Variants in GPR84 observed in about 807,000 individuals in gnomAD.
The protein encoded by GPR84 is G-protein coupled receptor 84.
A neutral mutation model predicts 14.9 loss-of-function variants in GPR84; 8 were observed. That is an observed-to-expected ratio of 0.54 (90% CI 0.31 to 0.97). The LOEUF (loss-of-function observed/expected upper bound fraction) is 0.97, where lower values mean the gene tolerates loss of function less well. GPR84 is among the 50% of genes least tolerant of loss of function. The probability of loss-of-function intolerance (pLI) is 0.04; values close to 1 mark genes in which losing one functional copy is unlikely to be tolerated. For missense variants in GPR84, 424 were observed against 498.7 expected (o/e 0.85, Z 1.43); for synonymous variants, 164 against 198.1 (o/e 0.83, Z 1.45).
chr12:54,362,838 GA>G lies in GPR84; in HGVS notation c.1013del (p.Leu338ProfsTer36), dbSNP rs758482145. 4.7e-5 allele frequency: 76 copies of G among 1,614,224 alleles called. No individual in the cohort carries two copies. In the South Asian group the frequency reaches 7.6e-4, roughly 16 times the overall value. On this transcript the variant is annotated frameshift_variant, in exon 2 of 2. Transcript: ENST00000267015. LOFTEE classifies it high-confidence loss of function. The surrounding 1 kb of genome is among the most constrained non-coding windows in gnomAD (Gnocchi z 4.0). ...CCTGGACTCTGGCATCCAGAATGTT[GA>G]GCAGCAAGAAGGGGATGTAGCTCAG... is the stretch of plus-strand genomic sequence containing the variant. ...FALSYIPFLL[L>X]NILDARVQAP... is the part of the protein sequence containing the mutation.
chr12:54,355,550 G>C, the GPR84 span, among the ~76,000 whole-genome samples: 8 of 152,172 alleles, frequency 5.3e-5, no homozygotes, highest in Non-Finnish European at 8.8e-5. Context: ...TTGGAATGCA[G>C]GCCTGCTGGA....
chr12:54,361,915 T>C (rs1201177878), downstream of GPR84, among the ~76,000 whole-genome samples: 1 of 152,222 alleles, frequency 6.6e-6, no homozygotes, highest in African/African-American at 2.4e-5. The surrounding 1 kb of genome is among the most constrained non-coding windows in gnomAD (Gnocchi z 4.3). Flanking sequence ...AGCTGGAACC[T>C]TTTTCTGCCT....
At chr12:54,354,521 C>T in the GPR84 span, among the ~76,000 whole-genome samples, 1 of 152,032 alleles carries the variant, frequency 6.6e-6, no homozygotes, top group South Asian at 2.1e-4. Context: ...CAACCTCCGC[C>T]TCCCGGGTTC....
At chr12:54,357,375 C>T in the GPR84 span, among the ~76,000 whole-genome samples, 1 of 152,156 alleles carries the variant, frequency 6.6e-6, no homozygotes, top group Non-Finnish European at 1.5e-5. Flanking sequence ...CCTTAGGTCT[C>T]CCTTATATTA....
the GPR84 span, among the ~76,000 whole-genome samples, chr12:54,353,401 A>C: frequency 6.6e-6 from 1 of 151,070 alleles, no homozygotes; most frequent in African/African-American, 2.4e-5. Flanking sequence ...ACAGTGCCAG[A>C]CACCTGCCTG....
At chr12:54,358,931 C>T (rs1954237852), downstream of GPR84, among the ~76,000 whole-genome samples, 1 of 152,178 alleles carries the variant, frequency 6.6e-6, no homozygotes, top group Admixed American at 6.5e-5. Context: ...CCCCCATCCA[C>T]ACCCCTCAAA....
chr12:54,354,116 CTTTTT>C, the GPR84 span, among the ~76,000 whole-genome samples: 19 of 141,482 alleles, frequency 1.3e-4, no homozygotes, highest in South Asian at 4.5e-4. Flanking sequence ...TTTCTCTTTT[CTTTTT>C]TTTTTTTTTT....
the GPR84 span, among the ~76,000 whole-genome samples, chr12:54,355,501 A>G: frequency 0.16 from 24,220 of 151,922 alleles, 2,196 homozygotes; most frequent in East Asian, 0.26. Flanking sequence ...GGACCATTCC[A>G]AAGGTATTTC....
chr12:54,363,839 A>G lies in GPR84; in HGVS notation c.13T>C (p.Ser5Pro). The change falls in exon 2 of 2, where the codon TCT (serine) becomes CCT (proline). Residue 5 changes from serine (S) to proline (P), a missense_variant. Coordinates refer to ENST00000267015, the MANE Select transcript of GPR84 (RefSeq NM_020370.3). MWNS[S>P]DANFSCYHES... ...TGGTAGCAGGAGAAGTTGGCGTCAG[A>G]GCTGTTCCACATGATAGAGGCTAAA... 1 of 1,593,640 alleles carries G rather than the reference A, an allele frequency of 6.3e-7. No individual in the cohort carries two copies. Among genetic ancestry groups the G allele is most frequent in the Non-Finnish European group, 8.6e-7 (1 of 1,168,674 alleles).
chr12:54,363,005 C>T lies in GPR84; in HGVS notation c.847G>A (p.Ala283Thr), dbSNP rs763656756. Reference sequence around the variant, plus strand: ...GGGCTTTTCTCTGCCATCTGCTTAGCTCTCTTGCTGTTGATCTGGTCTCCC... The same window carrying T: ...GGGCTTTTCTCTGCCATCTGCTTAGTTCTCTTGCTGTTGATCTGGTCTCCC... ...EVGDQINSKR[A>T]KQMAEKSPPE... Residue 283 changes from alanine (A) to threonine (T), a missense_variant, in exon 2 of 2, where the codon GCT (alanine) becomes ACT (threonine). Physicochemically the swap from Ala to Thr is moderately conservative, Grantham distance 58. Coordinates refer to ENST00000267015, the MANE Select transcript of GPR84 (RefSeq NM_020370.3). 1 of 1,614,180 alleles carries T rather than the reference C, an allele frequency of 6.2e-7. No individual in the cohort carries two copies. Among genetic ancestry groups the T allele is most frequent in the Non-Finnish European group, 8.5e-7 (1 of 1,180,022 alleles).
the GPR84 span, chr12:54,351,797 C>T: frequency 1.3e-5 from 2 of 152,190 alleles, no homozygotes; most frequent in Non-Finnish European, 2.9e-5. Flanking sequence ...AGGAGAAAAC[C>T]ACCTTCATAA....
chr12:54,359,960 A>G (rs908047476), downstream of GPR84, among the ~76,000 whole-genome samples: 1 of 151,386 alleles, frequency 6.6e-6, no homozygotes, highest in Non-Finnish European at 1.5e-5. Context: ...GCGACTGATA[A>G]TTGGGAAGTC....
chr12:54,362,885 C>G lies in GPR84; in HGVS notation c.967G>C (p.Ala323Pro). 6.2e-7 allele frequency: 1 copy of G among 1,614,210 alleles called. No homozygotes were observed. Among genetic ancestry groups the G allele is most frequent in the Non-Finnish European group, 8.5e-7 (1 of 1,180,026 alleles). The change falls in exon 2 of 2, where the codon GCT (alanine) becomes CCT (proline). Residue 323 changes from alanine to proline, a missense_variant. Transcript: ENST00000267015. The surrounding 1 kb of genome is among the most constrained non-coding windows in gnomAD (Gnocchi z 4.0). The part of the protein sequence containing the change: ...EFGKVTRMCF[A>P]VFLCFALSYI... ...CTCAGGGCAAAGCAGAGGAACACAGCAAAACACATTCGAGTCACCTTCCCA... is the reference window on the plus strand; with the variant it reads ...CTCAGGGCAAAGCAGAGGAACACAGGAAAACACATTCGAGTCACCTTCCCA...
At position 54,363,570 on chromosome 12, in the gene GPR84, C is replaced by G. The variant is rs147971614; in HGVS notation, c.282G>C (p.Arg94Ser). ...LHWRTGATFC[R>S]VFGLLLFASN... is the part of the protein sequence containing the mutation. ...AGGCAAAAAGGAGGAGCCCAAATAC[C>G]CTGCAGAAGGTGGCACCGGTGCGCC... is the stretch of plus-strand genomic sequence containing the variant. Residue 94 changes from arginine to serine, a missense_variant, in exon 2 of 2, where the codon AGG becomes AGC. Transcript: ENST00000267015. The G allele has an allele frequency of 3.5e-4, 571 of 1,613,928 alleles. 1 individual carries two copies. Among genetic ancestry groups the G allele is most frequent in the Non-Finnish European group, 4.5e-4 (536 of 1,180,010 alleles).
chr12:54,358,583 C>T (rs1954233525), downstream of GPR84, among the ~76,000 whole-genome samples: 1 of 151,946 alleles, frequency 6.6e-6, no homozygotes, highest in Admixed American at 6.6e-5. Context: ...AATGCTTTTC[C>T]TTTTCAGAGC....
At position 54,362,702 on chromosome 12, in the gene GPR84, T is replaced by C. The variant is rs747764320; in HGVS notation, c.1150A>G (p.Ile384Val). The C allele has an allele frequency of 2.5e-6, 4 of 1,612,184 alleles. No homozygotes were observed. The highest frequency in any genetic ancestry group is 3.4e-6 in the Non-Finnish European group (4 of 1,178,598). ...NRQFRQAYGSILKRGPRSFHR... is the reference protein window; with the variant it reads ...NRQFRQAYGSVLKRGPRSFHR... ...AAACTCCGGGGCCCTCTTTTTAAAATGGAGCCATATGCTTGGCGGAATTGG... is the reference window on the plus strand; with the variant it reads ...AAACTCCGGGGCCCTCTTTTTAAAACGGAGCCATATGCTTGGCGGAATTGG... The change falls in exon 2 of 2, where the codon ATT becomes GTT. Residue 384 changes from isoleucine to valine, a missense_variant. Coordinates refer to ENST00000267015, the MANE Select transcript of GPR84 (RefSeq NM_020370.3). The surrounding 1 kb of genome is among the most constrained non-coding windows in gnomAD (Gnocchi z 4.0).
Position 54,363,820 on chromosome 12 carries a change from CAGG to C in GPR84, c.29_31del (p.Ser10del), listed in dbSNP as rs1410126096. On this transcript the variant is annotated inframe_deletion, in exon 2 of 2. Transcript: ENST00000267015. ...ATAGCCCAGCACAGACTCATGGTAG[CAGG>C]AGAAGTTGGCGTCAGAGCTGTTCCA... The C allele has an allele frequency of 1.9e-6, 3 of 1,603,304 alleles. No individual in the cohort carries two copies. The highest frequency in any genetic ancestry group is 1.1e-5 in the South Asian group (1 of 90,230).
rs1463845899 is a variant in GPR84, at chr12:54,363,371, G to A, written c.481C>T (p.Leu161=). ...CTGCAGGTGCAGACTACAGGTACCA[G>A]GATATAAATAGGCCAGAGGGGAGCA... is the stretch of plus-strand genomic sequence containing the variant. ...SFAPLWPIYI[L]VPVVCTCSFD... Residue 161 remains leucine, a synonymous_variant, in exon 2 of 2, where the codon CTG becomes TTG. Coordinates refer to ENST00000267015, the MANE Select transcript of GPR84 (RefSeq NM_020370.3). The A allele has an allele frequency of 1.2e-5, 20 of 1,614,042 alleles. No individual in the cohort carries two copies. The highest frequency in any genetic ancestry group is 1.7e-5 in the Non-Finnish European group (20 of 1,180,026).
At chr12:54,360,892 A>G (rs1954261632), downstream of GPR84, among the ~76,000 whole-genome samples, 1 of 151,990 alleles carries the variant, frequency 6.6e-6, no homozygotes, top group African/African-American at 2.4e-5. Flanking sequence ...CTCATTCTTC[A>G]CTTTTCTTCC....
Sources: allele counts gnomAD v4.1 joint callset (sites outside exome capture counted in the v4.1 genomes callset), GRCh38; gene constraint gnomAD v4.1.1; non-coding constraint Gnocchi (gnomAD v3.1); transcripts MANE v1.5; gene names NCBI Gene and HGNC (gene_info 2026-07-23, HGNC 2026-07-21).